The following ANO4 variants were observed in gnomAD, a reference collection of about 807,000 sequenced individuals.
ANO4 encodes the protein anoctamin 4.
ANO4 carries 69 observed loss-of-function variants against 141.9 expected under a neutral mutation model. The ratio of observed to expected loss-of-function variants is 0.49; its 90% CI spans 0.40 to 0.59. ANO4 has a LOEUF of 0.59. Among genes scored for constraint, ANO4 ranks in the 20% least tolerant of loss-of-function variants. ANO4 has a pLI of 0.00. For missense variants in ANO4, 894 were observed against 1,162.2 expected (o/e 0.77, Z 3.36); for synonymous variants, 350 against 394.3 (o/e 0.89, Z 1.33).
At chr12:100,822,210 A>G (rs577171615) in intron 1 of ANO4, among the ~76,000 whole-genome samples, 1 of 152,168 alleles carries the variant, frequency 6.6e-6, no homozygotes, top group Admixed American at 6.5e-5. Flanking sequence ...CTTTGTTATC[A>G]GCAAAGGCCT....
chr12:100,778,199 G>A (rs1030157399), intron 3 of ANO4, among the ~76,000 whole-genome samples: 13 of 152,250 alleles, frequency 8.5e-5, no homozygotes, highest in East Asian at 3.9e-4. Context: ...GATTACAGGT[G>A]TAAGCCACTG....
intron 1 of ANO4, among the ~76,000 whole-genome samples, chr12:100,850,608 G>A (rs1394879759): frequency 2.0e-5 from 3 of 152,026 alleles, no homozygotes; most frequent in African/African-American, 7.2e-5. Flanking sequence ...GCAGAACCTA[G>A]GATCATGAAC....
chr12:100,929,945 T>G (rs1011927132), intron 3 of ANO4, among the ~76,000 whole-genome samples: 1 of 152,182 alleles, frequency 6.6e-6, no homozygotes, highest in African/African-American at 2.4e-5. Flanking sequence ...GTTGAGCACC[T>G]TTTCATGTGC....
intron 1 of ANO4, among the ~76,000 whole-genome samples, chr12:100,850,937 A>G (rs2037840897): frequency 1.3e-5 from 2 of 152,156 alleles, no homozygotes; most frequent in Admixed American, 1.3e-4. Context: ...TTAATATTCT[A>G]TATTATGCAT....
rs1481512247 is a variant in ANO4 at position 101,088,590 on chromosome 12, G to A, written c.1701+1766G>A. Among the ~76,000 whole-genome samples the A allele has an allele frequency of 5.9e-5, 9 of 151,932 alleles. No individual in the cohort carries two copies. In the South Asian group the frequency reaches 1.9e-3, roughly 32 times the overall value. The stretch of plus-strand genomic sequence containing the variant: ...GAACAGGGCCTGGCACATAGTAGAT[G>A]CTGTGTAAATTGTTGTTGCTATTTT... On this transcript the variant is annotated intron_variant, in intron 17 of 27. Transcript: ENST00000392977.
At chr12:100,943,308 A>G (rs994588632) in intron 5 of ANO4, among the ~76,000 whole-genome samples, 4 of 152,198 alleles carry the variant, frequency 2.6e-5, no homozygotes, top group Non-Finnish European at 5.9e-5. Context: ...GTCAATAAGA[A>G]CAACACATTG....
At chr12:100,894,642 G>A (rs929171156) in intron 1 of ANO4, among the ~76,000 whole-genome samples, 3 of 152,034 alleles carry the variant, frequency 2.0e-5, no homozygotes, top group African/African-American at 7.3e-5. Context: ...ATGTGGGAGG[G>A]TATCAGTCTA....
intron 1 of ANO4, among the ~76,000 whole-genome samples, chr12:100,849,668 C>G (rs903587719): frequency 2.6e-5 from 4 of 152,028 alleles, no homozygotes; most frequent in Non-Finnish European, 4.4e-5. Context: ...TTTAGGTGAC[C>G]GTTTTAAATT....
chr12:100,739,875 T>G, exon 3 of ANO4: 1 of 702,566 alleles, frequency 1.4e-6, no homozygotes, highest in Admixed American at 2.0e-5. Flanking sequence ...GCGGGGCCTG[T>G]GGCAATTGGG....
At chr12:101,106,699 A>G (rs1215105533) in intron 22 of ANO4, among the ~76,000 whole-genome samples, 1 of 151,254 alleles carries the variant, frequency 6.6e-6, no homozygotes, top group Non-Finnish European at 1.5e-5. Context: ...AGTTTTATCT[A>G]TATAGTATTT....
At chr12:101,023,479 T>G (rs1439742768) in intron 9 of ANO4, among the ~76,000 whole-genome samples, 1 of 152,172 alleles carries the variant, frequency 6.6e-6, no homozygotes, top group Non-Finnish European at 1.5e-5. Flanking sequence ...GAAACCAGCC[T>G]GAGCATAATG....
At chr12:100,842,059 C>T (rs2037280654) in intron 1 of ANO4, 1 of 37,798 alleles carries the variant, frequency 2.6e-5, no homozygotes, top group Non-Finnish European at 5.8e-5. Flanking sequence ...TGGTAAATAT[C>T]CACCCCCCCC....
At chr12:101,122,415 T>C (rs542387135) in intron 26 of ANO4, among the ~76,000 whole-genome samples, 1 of 152,316 alleles carries the variant, frequency 6.6e-6, no homozygotes, top group East Asian at 1.9e-4. Flanking sequence ...AATTTTTGTT[T>C]TTGTTGCAAT....
intron 21 of ANO4, among the ~76,000 whole-genome samples, chr12:101,099,291 A>G (rs2050102035): frequency 6.6e-6 from 1 of 152,202 alleles, no homozygotes; most frequent in South Asian, 2.1e-4. Context: ...GTATCCATTT[A>G]TAGATATTCT....
intron 5 of ANO4, among the ~76,000 whole-genome samples, chr12:100,952,557 G>C (rs2043012168): frequency 6.6e-6 from 1 of 152,118 alleles, no homozygotes; most frequent in African/African-American, 2.4e-5. Flanking sequence ...AAGCTGAGGG[G>C]ACCTGGTAGA....
intron 1 of ANO4, among the ~76,000 whole-genome samples, chr12:100,796,144 T>C (rs1190311409): frequency 6.6e-6 from 1 of 152,118 alleles, no homozygotes; most frequent in Non-Finnish European, 1.5e-5. Flanking sequence ...TTTCAAGTCT[T>C]GGACCGGAGG....
intron 1 of ANO4, among the ~76,000 whole-genome samples, chr12:100,800,789 A>G (rs1310385833): frequency 6.6e-6 from 1 of 152,192 alleles, no homozygotes; most frequent in East Asian, 1.9e-4. Flanking sequence ...GGCCCATAAC[A>G]GTGTACAGCC....
chr12:100,739,922 C>T lies in ANO4; in HGVS notation c.175C>T (p.Pro59Ser), dbSNP rs1292016216. ...GAAAAATCCATACGTACAAGGCAGA[C>T]CAACCCTCCCATCAGATCTGCCTCT... Residue 59 changes from proline to serine, a missense_variant, in exon 3 of 30, where the codon CCA becomes TCA. Pro to Ser is a moderately conservative substitution (Grantham distance 74). Transcript: ENST00000644049. The T allele has an allele frequency of 1.4e-5, 10 of 702,570 alleles. No individual in the cohort carries two copies. The East Asian group carries it at 2.7e-4, about 19-fold the overall frequency. The allele number at this position is 702,570 out of a possible 1,614,324, so 43.5% of individuals were successfully genotyped here. A position where few individuals can be genotyped will look rare whatever the true frequency, so the allele number is the denominator to read the frequency against.
At chr12:100,904,254 C>T (rs1408482754) in intron 2 of ANO4, among the ~76,000 whole-genome samples, 1 of 152,196 alleles carries the variant, frequency 6.6e-6, no homozygotes, top group South Asian at 2.1e-4. Flanking sequence ...AGACAAAAGT[C>T]CCTGCCCTTG....
Sources: gnomAD v4.1 joint callset for allele counts (sites outside exome capture counted in the v4.1 genomes callset) on GRCh38, gnomAD v4.1.1 for gene constraint, MANE v1.5 for transcripts, NCBI Gene and HGNC (gene_info 2026-07-23, HGNC 2026-07-21) for gene names.